CMSS1: variants seen among roughly 807,000 people sequenced by gnomAD.
CMSS1 encodes cms1 ribosomal small subunit homolog.
In CMSS1, 33 loss-of-function variants were observed where a neutral mutation model predicts 43.5. The observed-to-expected ratio is 0.76, with a 90% confidence interval of 0.57 to 1.01. The LOEUF (loss-of-function observed/expected upper bound fraction) is 1.01. CMSS1 is among the 50% of genes least tolerant of loss of function. CMSS1 has a pLI of 0.00. For missense variants in CMSS1, 313 were observed against 326.4 expected (o/e 0.96, Z 0.32); for synonymous variants, 115 against 117.2 (o/e 0.98, Z 0.12).
intron 1 of CMSS1, among the ~76,000 whole-genome samples, chr3:99,894,411 G>A (rs1706185051): frequency 1.3e-5 from 2 of 152,186 alleles, no homozygotes; most frequent in South Asian, 4.1e-4. Context: ...TTAGCTTTGT[G>A]TGCTGGTGTG....
Position 99,978,063 on chromosome 3 carries a change from A to G in CMSS1, c.64+160020A>G, listed in dbSNP as rs137907831. On this transcript the variant is annotated intron_variant, in intron 1 of 9. Transcript: ENST00000421999. ...CATTCTTTACATAAAACAAGCAATG[A>G]ACGTTTCAAAAGAAAACATTTTTAA... Among the ~76,000 whole-genome samples the G allele has an allele frequency of 7.9e-5, 12 of 152,348 alleles. No homozygotes were observed. In the East Asian group the frequency reaches 2.3e-3, roughly 29 times the overall value.
intron 1 of CMSS1, among the ~76,000 whole-genome samples, chr3:99,974,957 A>G (rs1176805757): frequency 6.6e-6 from 1 of 152,176 alleles, no homozygotes; most frequent in East Asian, 1.9e-4. Context: ...TGAATGTGCA[A>G]AGCTAGAAAA....
chr3:100,110,439 A>G (rs1235421032), intron 1 of CMSS1, among the ~76,000 whole-genome samples: 1 of 152,104 alleles, frequency 6.6e-6, no homozygotes. Context: ...CCAATTTCCT[A>G]GTCAAGTGAT....
intron 1 of CMSS1, among the ~76,000 whole-genome samples, chr3:99,985,381 A>C (rs1355253658): frequency 1.3e-5 from 2 of 151,970 alleles, no homozygotes; most frequent in Non-Finnish European, 2.9e-5. Context: ...CAAATAGAAA[A>C]ATTAGCTGGG....
At chr3:100,161,359 G>A (rs2067021830) in intron 3 of CMSS1, among the ~76,000 whole-genome samples, 1 of 152,140 alleles carries the variant, frequency 6.6e-6, no homozygotes, top group Non-Finnish European at 1.5e-5. Flanking sequence ...ACTTCGCTTT[G>A]ATAATTTGTA....
At chr3:99,866,205 G>T (rs1396016573) in intron 1 of CMSS1, among the ~76,000 whole-genome samples, 4 of 151,078 alleles carry the variant, frequency 2.6e-5, no homozygotes, top group South Asian at 2.1e-4. Flanking sequence ...TTTTTATGTG[G>T]CTTTCTTACC....
chr3:100,065,571 C>T (rs574998542), intron 1 of CMSS1, among the ~76,000 whole-genome samples: 10 of 152,292 alleles, frequency 6.6e-5, no homozygotes, highest in Non-Finnish European at 1.3e-4. Context: ...CTTGGTCTTC[C>T]ACTTTTCATC....
chr3:99,850,548 C>G, intron 1 of CMSS1: 1 of 1,613,802 alleles, frequency 6.2e-7, no homozygotes, highest in African/African-American at 1.3e-5. Context: ...GCACACGTTT[C>G]CTGAGCTCTT....
At chr3:99,953,163 A>G (rs1223453372) in intron 1 of CMSS1, among the ~76,000 whole-genome samples, 1 of 152,174 alleles carries the variant, frequency 6.6e-6, no homozygotes, top group African/African-American at 2.4e-5. Flanking sequence ...ATTAAATAAT[A>G]TTATCTTTTT....
intron 1 of CMSS1, chr3:99,898,372 A>G (rs981150139): frequency 2.6e-5 from 4 of 152,234 alleles, no homozygotes; most frequent in Non-Finnish European, 4.4e-5. Context: ...TTTTCATTCC[A>G]TTATAAATAG....
chr3:99,978,734 A>C (rs1380514521), intron 1 of CMSS1, among the ~76,000 whole-genome samples: 1 of 152,168 alleles, frequency 6.6e-6, no homozygotes, highest in Non-Finnish European at 1.5e-5. Context: ...GCCTCTTCTA[A>C]AAATAGAAAA....
intron 1 of CMSS1, among the ~76,000 whole-genome samples, chr3:100,056,184 G>T (rs1338719049): frequency 6.6e-6 from 1 of 152,144 alleles, no homozygotes; most frequent in African/African-American, 2.4e-5. Flanking sequence ...AAATGGTAGG[G>T]TACCAAATAT....
intron 1 of CMSS1, among the ~76,000 whole-genome samples, chr3:99,928,630 T>C (rs1207606592): frequency 6.6e-6 from 1 of 152,228 alleles, no homozygotes; most frequent in Non-Finnish European, 1.5e-5. Context: ...CAACATAAGT[T>C]TGGAATCATC....
chr3:100,074,513 A>G (rs765492944), intron 1 of CMSS1, among the ~76,000 whole-genome samples: 2 of 151,902 alleles, frequency 1.3e-5, no homozygotes, highest in Non-Finnish European at 2.9e-5. Flanking sequence ...TCATTTTGCA[A>G]ATTTATTCTA....
intron 1 of CMSS1, among the ~76,000 whole-genome samples, chr3:99,963,114 GT>G (rs1708542615): frequency 6.6e-6 from 1 of 152,218 alleles, no homozygotes; most frequent in Non-Finnish European, 1.5e-5. Context: ...CCTACAGAGG[GT>G]AAAATAATTA....
intron 1 of CMSS1, among the ~76,000 whole-genome samples, chr3:99,954,993 C>T (rs991602494): frequency 6.6e-6 from 1 of 152,206 alleles, no homozygotes; most frequent in African/African-American, 2.4e-5. Context: ...CTCCTCTCAT[C>T]TGTTTTGCCT....
intron 1 of CMSS1, among the ~76,000 whole-genome samples, chr3:100,053,005 C>T (rs1307254423): frequency 1.3e-5 from 2 of 152,070 alleles, no homozygotes; most frequent in South Asian, 2.1e-4. Context: ...TGGAGTTGTT[C>T]GCCTGCTCTC....
At chr3:99,884,462 A>G (rs1705829012) in intron 1 of CMSS1, among the ~76,000 whole-genome samples, 1 of 152,154 alleles carries the variant, frequency 6.6e-6, no homozygotes, top group Non-Finnish European at 1.5e-5. Flanking sequence ...GAACCTCTAT[A>G]AAGAAGTTCC....
At chr3:99,989,463 A>G (rs1709448282) in intron 1 of CMSS1, among the ~76,000 whole-genome samples, 1 of 151,956 alleles carries the variant, frequency 6.6e-6, no homozygotes, top group African/African-American at 2.4e-5. Flanking sequence ...AAACTACAGC[A>G]CTCTGGATGT....
Sources: gnomAD v4.1 joint callset for allele counts (sites outside exome capture counted in the v4.1 genomes callset) on GRCh38, gnomAD v4.1.1 for gene constraint, MANE v1.5 for transcripts, NCBI Gene and HGNC (gene_info 2026-07-23, HGNC 2026-07-21) for gene names.